The following CECR2 variants were observed in gnomAD, a reference collection of about 807,000 sequenced individuals.
CECR2 encodes CECR2 histone acetyl-lysine reader, also known as chromatin remodeling regulator CECR2.
A neutral mutation model predicts 154.5 loss-of-function variants in CECR2; 30 were observed. The ratio of observed to expected loss-of-function variants is 0.19; its 90% CI spans 0.15 to 0.26. The LOEUF (loss-of-function observed/expected upper bound fraction) is 0.26, where lower values mean the gene tolerates loss of function less well. CECR2 is among the 10% of genes least tolerant of loss of function. The pLI, the probability that CECR2 is intolerant of heterozygous loss-of-function variation, is 1.00. For missense variants in CECR2, 1,743 were observed against 1,829.3 expected (o/e 0.95, Z 0.86); for synonymous variants, 725 against 683.7 (o/e 1.06, Z -0.94).
At chr22:17,367,777 G>A (rs111742837), upstream of CECR2, among the ~76,000 whole-genome samples, 1,389 of 152,334 alleles carry the variant, frequency 9.1e-3, 26 homozygotes, top group African/African-American at 0.032. Flanking sequence ...TTCAGGTTAC[G>A]TGACAATTCC....
intron 1 of CECR2, among the ~76,000 whole-genome samples, chr22:17,473,814 C>G (rs1286628259): frequency 6.6e-6 from 1 of 152,142 alleles, no homozygotes; most frequent in African/African-American, 2.4e-5. Context: ...TTTCGTCTTC[C>G]AAATGCCAGC....
At chr22:17,501,425 G>A (rs1293895651) in intron 5 of CECR2, among the ~76,000 whole-genome samples, 3 of 152,088 alleles carry the variant, frequency 2.0e-5, no homozygotes, top group African/African-American at 7.2e-5. Context: ...AGTCGTGGTG[G>A]CGGGTGCCTG....
chr22:17,415,301 A>G (rs1050503621), intron 1 of CECR2, among the ~76,000 whole-genome samples: 1 of 151,990 alleles, frequency 6.6e-6, no homozygotes, highest in African/African-American at 2.4e-5. Flanking sequence ...GCAGTGGCAC[A>G]ATCTCAGCTC....
chr22:17,399,314 T>G (rs975116355), intron 1 of CECR2, among the ~76,000 whole-genome samples: 1 of 152,168 alleles, frequency 6.6e-6, no homozygotes, highest in Non-Finnish European at 1.5e-5. Flanking sequence ...CTCTTTTAGC[T>G]CTCACATTTT....
intron 5 of CECR2, among the ~76,000 whole-genome samples, chr22:17,501,635 C>T (rs1228496060): frequency 2.0e-5 from 3 of 152,082 alleles, no homozygotes; most frequent in African/African-American, 7.2e-5. Context: ...AGAAGTTCAG[C>T]TTCAGATTGC....
chr22:17,417,371 A>C (rs2054171896), intron 1 of CECR2, among the ~76,000 whole-genome samples: 1 of 152,246 alleles, frequency 6.6e-6, no homozygotes, highest in East Asian at 1.9e-4. Context: ...ATTTCTGCTT[A>C]GGATGAAAAG....
intron 1 of CECR2, among the ~76,000 whole-genome samples, chr22:17,427,424 C>A (rs993393646): frequency 6.6e-6 from 1 of 152,024 alleles, no homozygotes; most frequent in African/African-American, 2.4e-5. Context: ...AGAATTGATT[C>A]CTTCTGGTGG....
rs2056739243 is a variant in CECR2 at position 17,553,454 on chromosome 22, T to G, written c.*614T>G. 2 of 152,284 alleles carry G rather than the reference T, an allele frequency of 1.3e-5. No homozygotes were observed. Among genetic ancestry groups the G allele is most frequent in the Non-Finnish European group, 2.9e-5 (2 of 68,100 alleles). 9.4% of individuals were successfully genotyped at this position (152,284 alleles called of 1,614,324 possible). ...TTTACAATCATGTCACACTGAATAC[T>G]TATGGGAGCCGGAGATGAGGGTAGG... On this transcript the variant is annotated 3_prime_UTR_variant, in exon 19 of 19. Coordinates refer to ENST00000262608, the MANE Select transcript of CECR2 (RefSeq NM_001290047.2).
At chr22:17,515,042 A>C (rs906138867) in intron 8 of CECR2, among the ~76,000 whole-genome samples, 9 of 151,938 alleles carry the variant, frequency 5.9e-5, no homozygotes, top group Non-Finnish European at 1.2e-4. Context: ...AAAAAAGAAA[A>C]GCAGATTTGT....
At chr22:17,486,063 T>A (rs550159789) in intron 2 of CECR2, among the ~76,000 whole-genome samples, 12 of 152,322 alleles carry the variant, frequency 7.9e-5, no homozygotes, top group African/African-American at 2.6e-4. Flanking sequence ...GACTGCAGCC[T>A]CCAACTCCTG....
intron 1 of CECR2, among the ~76,000 whole-genome samples, chr22:17,393,781 A>G (rs2053765378): frequency 6.6e-6 from 1 of 151,882 alleles, no homozygotes; most frequent in African/African-American, 2.4e-5. Context: ...ATGTGTTGCC[A>G]TTTGTTATAT....
At chr22:17,544,010 A>G (rs1246679403) in intron 16 of CECR2, among the ~76,000 whole-genome samples, 1 of 152,222 alleles carries the variant, frequency 6.6e-6, no homozygotes, top group Non-Finnish European at 1.5e-5. Flanking sequence ...TTGGGCCCAG[A>G]CAGACTAGAT....
In CECR2 at chr22:17,390,924, A is replaced by G. The variant is rs9605272; in HGVS notation, c.126+21015A>G. Among the ~76,000 whole-genome samples the G allele has an allele frequency of 5.4e-3, 830 of 152,320 alleles. 7 individuals carry two copies. The highest frequency in any genetic ancestry group is 0.017 in the Middle Eastern group (5 of 294). On this transcript the variant is annotated intron_variant, in intron 1 of 18. Coordinates refer to ENST00000262608, the MANE Select transcript of CECR2 (RefSeq NM_001290047.2). ...ACTTTTTAAAGCTTCAGCTTTTTAA[A>G]GCTTTTCCTATTTTATTTTGAGAAT...
chr22:17,389,988 G>T (rs568414273), intron 1 of CECR2, among the ~76,000 whole-genome samples: 252 of 152,212 alleles, frequency 1.7e-3, no homozygotes, highest in African/African-American at 5.9e-3. Flanking sequence ...TACTGAGTAA[G>T]ATCTGTAGAT....
At chr22:17,414,265 C>T (rs891475097) in intron 1 of CECR2, among the ~76,000 whole-genome samples, 6 of 152,204 alleles carry the variant, frequency 3.9e-5, no homozygotes, top group South Asian at 4.1e-4. Flanking sequence ...AGCCACTGCG[C>T]CCGGCGGAAG....
chr22:17,546,506 A>AT (rs1157381315), intron 16 of CECR2, among the ~76,000 whole-genome samples: 1 of 151,684 alleles, frequency 6.6e-6, no homozygotes, highest in Non-Finnish European at 1.5e-5. Context: ...AAAAAAAAAA[A>AT]ATCCTGTTTA....
chr22:17,417,488 A>ATTT (rs1569068978), intron 1 of CECR2, among the ~76,000 whole-genome samples: 1 of 151,714 alleles, frequency 6.6e-6, no homozygotes, highest in Non-Finnish European at 1.5e-5. Context: ...CTGAAAAAAA[A>ATTT]TTTTTTTTAA....
intron 1 of CECR2, among the ~76,000 whole-genome samples, chr22:17,401,928 T>C (rs868568311): frequency 6.7e-6 from 1 of 148,178 alleles, no homozygotes; most frequent in African/African-American, 2.5e-5. Context: ...CTCCTCCCAC[T>C]TCAGCCTGCT....
At chr22:17,381,079 G>A (rs984724812) in intron 1 of CECR2, among the ~76,000 whole-genome samples, 1 of 90,222 alleles carries the variant, frequency 1.1e-5, no homozygotes, top group Non-Finnish European at 2.0e-5. Context: ...TTTGTTCAGG[G>A]AACATTGTTG....
Sources: allele counts gnomAD v4.1 joint callset (sites outside exome capture counted in the v4.1 genomes callset), GRCh38; gene constraint gnomAD v4.1.1; transcripts MANE v1.5; gene names NCBI Gene and HGNC (gene_info 2026-07-23, HGNC 2026-07-21).